The following ARHGAP15 variants were observed in gnomAD, a reference collection of about 807,000 sequenced individuals.
ARHGAP15 encodes Rho GTPase activating protein 15.
A neutral mutation model predicts 63.7 loss-of-function variants in ARHGAP15; 51 were observed. The observed-to-expected ratio is 0.80, with a 90% confidence interval of 0.64 to 1.01. ARHGAP15 has a LOEUF of 1.01. ARHGAP15 is among the 50% of genes least tolerant of loss of function. The pLI is 0.00. For missense variants in ARHGAP15, 560 were observed against 564.6 expected (o/e 0.99, Z 0.08); for synonymous variants, 191 against 193.8 (o/e 0.99, Z 0.12).
intron 12 of ARHGAP15, chr2:143,648,686 T>C (rs1188134314): frequency 6.6e-6 from 1 of 152,024 alleles, no homozygotes; most frequent in African/African-American, 2.4e-5. Context: ...AATAATGGCT[T>C]TAAATTTCTA....
Position 143,768,127 on chromosome 2 carries a change from C to T in ARHGAP15, c.1383C>T (p.Leu461=). ...HMVYQNQIAE[L]MLSEYSKIFG... is the part of the protein sequence containing the mutation. ...TCTACCAGAACCAGATAGCTGAGCTCATGCTGAGTGAGTACAGTAAGATCT... is the reference window on the plus strand; with the variant it reads ...TCTACCAGAACCAGATAGCTGAGCTTATGCTGAGTGAGTACAGTAAGATCT... Residue 461 remains leucine, a synonymous_variant, in exon 14 of 14, where the codon CTC becomes CTT. Coordinates refer to ENST00000295095, the MANE Select transcript of ARHGAP15 (RefSeq NM_018460.4). 1 of 1,613,788 alleles carries T rather than the reference C, an allele frequency of 6.2e-7. No homozygotes were observed. The highest frequency in any genetic ancestry group is 8.5e-7 in the Non-Finnish European group (1 of 1,179,770).
At chr2:143,490,871 G>T (rs1372017396) in intron 9 of ARHGAP15, among the ~76,000 whole-genome samples, 1 of 152,022 alleles carries the variant, frequency 6.6e-6, no homozygotes, top group Non-Finnish European at 1.5e-5. Flanking sequence ...CAAATGATCT[G>T]CCTGCCTTGG....
chr2:143,130,887 A>G (rs111631811), intron 1 of ARHGAP15, among the ~76,000 whole-genome samples: 1 of 152,146 alleles, frequency 6.6e-6, no homozygotes, highest in African/African-American at 2.4e-5. Flanking sequence ...CTCTGCATCT[A>G]TAGAAGCTGT....
intron 6 of ARHGAP15, among the ~76,000 whole-genome samples, chr2:143,377,594 A>G (rs1289217330): frequency 1.3e-5 from 2 of 151,918 alleles, no homozygotes; most frequent in African/African-American, 4.8e-5. Flanking sequence ...TGAAAGTTAC[A>G]AGTCACTAAA....
At chr2:143,584,033 A>T (rs964202947) in intron 11 of ARHGAP15, among the ~76,000 whole-genome samples, 2 of 152,210 alleles carry the variant, frequency 1.3e-5, no homozygotes, top group Non-Finnish European at 2.9e-5. Context: ...GATTTAATAT[A>T]TACCGAATGA....
intron 11 of ARHGAP15, among the ~76,000 whole-genome samples, chr2:143,610,788 G>A (rs948983420): frequency 6.6e-6 from 1 of 152,122 alleles, no homozygotes; most frequent in Non-Finnish European, 1.5e-5. Flanking sequence ...CAGTGCAGTG[G>A]TGTGATCTCG....
At chr2:143,522,607 T>C (rs890182597) in intron 10 of ARHGAP15, among the ~76,000 whole-genome samples, 1 of 152,152 alleles carries the variant, frequency 6.6e-6, no homozygotes, top group African/African-American at 2.4e-5. Context: ...GGGTATCTAA[T>C]CTTTTGGCTT....
At chr2:143,748,529 C>A (rs1364407306) in intron 13 of ARHGAP15, among the ~76,000 whole-genome samples, 1 of 152,096 alleles carries the variant, frequency 6.6e-6, no homozygotes, top group Non-Finnish European at 1.5e-5. Flanking sequence ...AAAGTTCAAG[C>A]AGAAAAAATA....
chr2:143,416,167 G>A (rs1688669658), intron 6 of ARHGAP15, among the ~76,000 whole-genome samples: 1 of 149,512 alleles, frequency 6.7e-6, no homozygotes, highest in Non-Finnish European at 1.5e-5. Context: ...TGGATTGTTA[G>A]TTGCAGCAAA....
chr2:143,692,184 C>T (rs929301927), intron 12 of ARHGAP15, among the ~76,000 whole-genome samples: 4 of 151,638 alleles, frequency 2.6e-5, no homozygotes. Flanking sequence ...GCAGGGGCAA[C>T]AATAATCTGC....
chr2:143,173,924 G>T (rs978359591), intron 2 of ARHGAP15, among the ~76,000 whole-genome samples: 1 of 152,030 alleles, frequency 6.6e-6, no homozygotes, highest in Non-Finnish European at 1.5e-5. Context: ...AAAATTAATC[G>T]CTTTTCAAGG....
chr2:143,331,433 G>A (rs1256149752), intron 6 of ARHGAP15, among the ~76,000 whole-genome samples: 1 of 152,070 alleles, frequency 6.6e-6, no homozygotes, highest in Non-Finnish European at 1.5e-5. Flanking sequence ...TTACTAGACT[G>A]TCCACTTTTC....
chr2:143,728,985 C>CAGTT (rs1247367726), intron 13 of ARHGAP15, among the ~76,000 whole-genome samples: 1 of 152,210 alleles, frequency 6.6e-6, no homozygotes, highest in Admixed American at 6.5e-5. Context: ...GCTATGGTCT[C>CAGTT]AGTTACGCAG....
chr2:143,628,618 C>T (rs1230183487), intron 12 of ARHGAP15, among the ~76,000 whole-genome samples: 1 of 152,170 alleles, frequency 6.6e-6, no homozygotes, highest in Admixed American at 6.5e-5. Flanking sequence ...CTGGTTTCAG[C>T]TCCCATCTGG....
At chr2:143,721,938 C>T (rs923422223) in intron 13 of ARHGAP15, among the ~76,000 whole-genome samples, 5 of 152,158 alleles carry the variant, frequency 3.3e-5, no homozygotes, top group Non-Finnish European at 7.4e-5. Flanking sequence ...CCACCGGCCT[C>T]GGCCTCGGCC....
At chr2:143,420,273 T>G (rs7598013) in intron 6 of ARHGAP15, among the ~76,000 whole-genome samples, 135,083 of 152,128 alleles carry the variant, frequency 0.89, 60,385 homozygotes, top group Middle Eastern at 0.97. Flanking sequence ...TTTTGGAAAA[T>G]AATGACATGG....
intron 5 of ARHGAP15, 86 bp from the exon 6 acceptor site, chr2:143,250,425 G>A: frequency 9.9e-7 from 1 of 1,014,838 alleles, no homozygotes; most frequent in Non-Finnish European, 1.5e-6. Context: ...AATATGTATA[G>A]CTGCTAACTC....
At chr2:143,320,903 G>A (rs998683562) in intron 6 of ARHGAP15, among the ~76,000 whole-genome samples, 3 of 152,152 alleles carry the variant, frequency 2.0e-5, no homozygotes. Context: ...AACAACAGAT[G>A]TACCTGGTGA....
intron 12 of ARHGAP15, 21 bp from the exon 13 acceptor site, chr2:143,703,398 C>T (rs1028433408): frequency 6.3e-7 from 1 of 1,590,270 alleles, no homozygotes; most frequent in African/African-American, 1.4e-5. Flanking sequence ...CCCTAACCTT[C>T]CTTTTTATTT....
Sources: gnomAD v4.1 joint callset for allele counts (sites outside exome capture counted in the v4.1 genomes callset) on GRCh38, gnomAD v4.1.1 for gene constraint, MANE v1.5 for transcripts, NCBI Gene and HGNC (gene_info 2026-07-23, HGNC 2026-07-21) for gene names.